The following CALN1 variants were observed in gnomAD, a reference collection of about 807,000 sequenced individuals.
CALN1 encodes the protein calneuron 1.
In CALN1, 17 loss-of-function variants were observed where a neutral mutation model predicts 30.6. That is an observed-to-expected ratio of 0.56 (90% CI 0.38 to 0.83). The LOEUF is 0.83. Among genes scored for constraint, CALN1 ranks in the 40% least tolerant of loss-of-function variants. The probability of loss-of-function intolerance (pLI) is 0.00; values close to 1 mark genes in which losing one functional copy is unlikely to be tolerated. For missense variants in CALN1, 291 were observed against 354.9 expected (o/e 0.82, Z 1.45); for synonymous variants, 156 against 131.4 (o/e 1.19, Z -1.28).
At chr7:71,858,345 T>A (rs1407173196) in intron 5 of CALN1, among the ~76,000 whole-genome samples, 1 of 152,140 alleles carries the variant, frequency 6.6e-6, no homozygotes, top group Non-Finnish European at 1.5e-5. Context: ...CTTTCCTTTA[T>A]AAATCACCCA....
At chr7:72,503,779 C>T in the CALN1 span, among the ~76,000 whole-genome samples, 3 of 152,070 alleles carry the variant, frequency 2.0e-5, no homozygotes, top group African/African-American at 4.8e-5. Flanking sequence ...TATATACATC[C>T]TTGCAGCCTC....
chr7:72,117,136 G>A (rs1264610033), intron 3 of CALN1, among the ~76,000 whole-genome samples: 1 of 152,052 alleles, frequency 6.6e-6, no homozygotes, highest in Admixed American at 6.6e-5. Context: ...AACATAGTGA[G>A]ACCCCATCTC....
intron 5 of CALN1, among the ~76,000 whole-genome samples, chr7:71,812,649 G>A (rs549595699): frequency 2.4e-4 from 37 of 152,216 alleles, no homozygotes; most frequent in Middle Eastern, 3.4e-3. Context: ...AATTCCTGGC[G>A]TTGCAGCATT....
chr7:72,429,786 T>C (rs113700475), intron 1 of CALN1, among the ~76,000 whole-genome samples: 4 of 149,764 alleles, frequency 2.7e-5, no homozygotes, highest in African/African-American at 7.3e-5. Flanking sequence ...TATACATCTA[T>C]ATGTATATAT....
chr7:72,343,189 A>C (rs1802463070), intron 2 of CALN1, among the ~76,000 whole-genome samples: 1 of 152,240 alleles, frequency 6.6e-6, no homozygotes, highest in South Asian at 2.1e-4. Context: ...GAAGGGGCAC[A>C]GGAAGGGCTT....
chr7:71,805,960 A>T (rs1787583780), intron 6 of CALN1, among the ~76,000 whole-genome samples: 1 of 152,214 alleles, frequency 6.6e-6, no homozygotes, highest in South Asian at 2.1e-4. Context: ...GCTCGAAGCC[A>T]TCATCCTCAG....
At chr7:72,019,003 ATT>A (rs376556919) in intron 5 of CALN1, among the ~76,000 whole-genome samples, 9 of 143,940 alleles carry the variant, frequency 6.3e-5, no homozygotes, top group South Asian at 4.4e-4. Context: ...TATCCAGCTA[ATT>A]TTTTTTTTTT....
At chr7:72,400,168 G>A (rs962140714) in intron 2 of CALN1, among the ~76,000 whole-genome samples, 4 of 151,988 alleles carry the variant, frequency 2.6e-5, no homozygotes, top group Admixed American at 1.3e-4. Context: ...GAGGCACCCC[G>A]CTTCTCTAGT....
At chr7:72,339,174 G>C (rs1562904675) in intron 2 of CALN1, among the ~76,000 whole-genome samples, 2 of 152,050 alleles carry the variant, frequency 1.3e-5, no homozygotes, top group African/African-American at 4.8e-5. Flanking sequence ...TGGCTGAATA[G>C]TGCTCCATTG....
At chr7:72,281,678 A>G (rs1252986116) in intron 2 of CALN1, among the ~76,000 whole-genome samples, 1 of 152,222 alleles carries the variant, frequency 6.6e-6, no homozygotes, top group African/African-American at 2.4e-5. Context: ...AGGTCGGTAC[A>G]AAAAGCATTC....
chr7:72,343,068 A>G (rs1049520745), intron 2 of CALN1, among the ~76,000 whole-genome samples: 10 of 152,180 alleles, frequency 6.6e-5, no homozygotes, highest in African/African-American at 1.7e-4. Flanking sequence ...TGCTGTAACA[A>G]TAACTTAAAA....
intron 2 of CALN1, among the ~76,000 whole-genome samples, chr7:72,299,030 T>C (rs1278593632): frequency 7.9e-5 from 12 of 151,744 alleles, no homozygotes; most frequent in African/African-American, 2.9e-4. Flanking sequence ...ACTAATACAA[T>C]CCCCCTAACC....
intron 3 of CALN1, among the ~76,000 whole-genome samples, chr7:72,231,407 G>C (rs1323581257): frequency 6.6e-6 from 1 of 152,180 alleles, no homozygotes; most frequent in African/African-American, 2.4e-5. Context: ...TACTGCATTA[G>C]ACTGCTGAGG....
intron 5 of CALN1, among the ~76,000 whole-genome samples, chr7:71,873,728 C>T (rs1030459836): frequency 5.9e-5 from 9 of 152,226 alleles, no homozygotes; most frequent in South Asian, 2.1e-4. Context: ...GTAGTTTTAA[C>T]GCACTGCAGA....
chr7:72,129,410 A>T (rs546409518), intron 3 of CALN1, among the ~76,000 whole-genome samples: 10 of 152,204 alleles, frequency 6.6e-5, no homozygotes, highest in Non-Finnish European at 1.0e-4. Flanking sequence ...ATAATATATG[A>T]ACCAGGCTAG....
chr7:71,863,813 A>G (rs1791439793), intron 5 of CALN1, among the ~76,000 whole-genome samples: 1 of 152,132 alleles, frequency 6.6e-6, no homozygotes, highest in African/African-American at 2.4e-5. Context: ...TGGGAAGTTG[A>G]CATTCCATCC....
At chr7:72,440,626 A>G (rs1202731050) in intron 1 of CALN1, among the ~76,000 whole-genome samples, 1 of 152,232 alleles carries the variant, frequency 6.6e-6, no homozygotes, top group East Asian at 1.9e-4. Context: ...CAGGAGTTCA[A>G]GATCAGCCTG....
chr7:72,405,733 CATTTT>C (rs1425011767), intron 1 of CALN1, among the ~76,000 whole-genome samples: 2 of 151,960 alleles, frequency 1.3e-5, no homozygotes, highest in Non-Finnish European at 2.9e-5. Flanking sequence ...AAAAAAATGA[CATTTT>C]ATTTTCAGAT....
At chr7:71,830,660 C>A (rs1053128619) in intron 5 of CALN1, among the ~76,000 whole-genome samples, 9 of 152,084 alleles carry the variant, frequency 5.9e-5, no homozygotes, top group Non-Finnish European at 1.0e-4. Flanking sequence ...TGAATAAGTT[C>A]TTAGTAGTAA....
Sources: gnomAD v4.1 joint callset for allele counts (sites outside exome capture counted in the v4.1 genomes callset) on GRCh38, gnomAD v4.1.1 for gene constraint, MANE v1.5 for transcripts, NCBI Gene and HGNC (gene_info 2026-07-23, HGNC 2026-07-21) for gene names.